Variants in EPHA5 observed in about 807,000 individuals in gnomAD.
EPHA5 encodes ephrin type-A receptor 5.
In EPHA5, 60 loss-of-function variants were observed where a neutral mutation model predicts 105.0. That is an observed-to-expected ratio of 0.57 (90% CI 0.46 to 0.71). The LOEUF is 0.71. Ranked by LOEUF, EPHA5 falls within the 30% of genes least tolerant of loss-of-function variation. EPHA5 has a pLI of 0.00. For synonymous variants in EPHA5, 513 were observed against 449.1 expected, an observed-to-expected ratio of 1.14 and a Z score of -1.80; for missense variants, 1,218 against 1,274.7, an observed-to-expected ratio of 0.96 and a Z score of 0.68.
intron 11 of EPHA5, among the ~76,000 whole-genome samples, chr4:65,358,020 A>C (rs1354902761): frequency 6.6e-6 from 1 of 151,422 alleles, no homozygotes; most frequent in African/African-American, 2.4e-5. Context: ...CTTGTTTCTC[A>C]GAATATGATA....
At chr4:65,333,377 T>C (rs1408796973) in intron 15 of EPHA5, among the ~76,000 whole-genome samples, 1 of 151,752 alleles carries the variant, frequency 6.6e-6, no homozygotes, top group Non-Finnish European at 1.5e-5. Flanking sequence ...ATGATCTCTC[T>C]TTTGCCAAAA....
chr4:65,413,662 TTCTG>T lies in EPHA5; in HGVS notation c.1687+618_1687+621del, dbSNP rs1212558158. On this transcript the variant is annotated intron_variant, in intron 7 of 16. Transcript: ENST00000613740. ...CACAAATAACTTTAATAGCGTCTAT[TTCTG>T]TCTTCGAATTCTTCTTTCAATGTGT... 5.9e-5 allele frequency among the ~76,000 whole-genome samples: 9 copies of T among 152,322 alleles called. No individual in the cohort carries two copies. The East Asian group carries it at 1.7e-3, about 29-fold the overall frequency.
chr4:65,651,428 C>G (rs1300341621), intron 1 of EPHA5, among the ~76,000 whole-genome samples: 1 of 152,150 alleles, frequency 6.6e-6, no homozygotes, highest in Admixed American at 6.5e-5. Context: ...GAAGGCAAAC[C>G]TATGTCTCCG....
intron 5 of EPHA5, among the ~76,000 whole-genome samples, chr4:65,461,526 A>G (rs1180169336): frequency 6.6e-6 from 1 of 152,060 alleles, no homozygotes; most frequent in Non-Finnish European, 1.5e-5. Flanking sequence ...ATCTTTTGCT[A>G]TTTTAGAAAG....
chr4:65,403,255 G>A (rs770710560), intron 8 of EPHA5, among the ~76,000 whole-genome samples: 1 of 152,114 alleles, frequency 6.6e-6, no homozygotes, highest in Non-Finnish European at 1.5e-5. Flanking sequence ...AGCACAATAT[G>A]CAGTACATTG....
chr4:65,419,595 C>T (rs917809267), intron 6 of EPHA5, among the ~76,000 whole-genome samples: 2 of 152,174 alleles, frequency 1.3e-5, no homozygotes, highest in Middle Eastern at 3.2e-3. Context: ...CTATCTTTAG[C>T]TCCTCTTTTA....
intron 1 of EPHA5, among the ~76,000 whole-genome samples, chr4:65,664,279 T>A (rs2149556300): frequency 6.6e-6 from 1 of 152,080 alleles, no homozygotes; most frequent in Non-Finnish European, 1.5e-5. Context: ...TTGTTAGTTT[T>A]CTAACTGTCA....
At chr4:65,484,847 T>A (rs1307504199) in intron 5 of EPHA5, among the ~76,000 whole-genome samples, 1 of 151,302 alleles carries the variant, frequency 6.6e-6, no homozygotes, top group Non-Finnish European at 1.5e-5. Context: ...TCAGAGTAAC[T>A]GTTTTTAACA....
At chr4:65,430,552 A>G (rs1323899963) in intron 5 of EPHA5, among the ~76,000 whole-genome samples, 1 of 150,946 alleles carries the variant, frequency 6.6e-6, no homozygotes, top group Admixed American at 6.6e-5. Flanking sequence ...TGTGCCAGAC[A>G]GTTTATAGTT....
intron 3 of EPHA5, among the ~76,000 whole-genome samples, chr4:65,565,414 CA>C (rs1217494111): frequency 2.0e-5 from 3 of 151,678 alleles, no homozygotes; most frequent in African/African-American, 4.8e-5. Context: ...AAGGGACTCA[CA>C]AACATATAAT....
At chr4:65,482,539 T>G (rs1469668005) in intron 5 of EPHA5, among the ~76,000 whole-genome samples, 1 of 152,046 alleles carries the variant, frequency 6.6e-6, no homozygotes, top group Non-Finnish European at 1.5e-5. Flanking sequence ...ACGGATCTCA[T>G]AATAGGTAGC....
rs1273381371 is a variant in EPHA5, at chr4:65,670,281, CCAGAGTT to C, written c.-546_-540del. 4.3e-6 allele frequency: 1 copy of C among 233,642 alleles called. No individual in the cohort carries two copies. The highest frequency in any genetic ancestry group is 5.6e-5 in the Admixed American group (1 of 17,788). 14.5% of individuals were successfully genotyped at this position (233,642 alleles called of 1,614,324 possible). Reference sequence around the variant, plus strand: ...GAGAGCAGCGAGCAAAAGCAAAGATCCAGAGTTCAAAGAGACTGGCAGAAGGAAATAG... The same window carrying C: ...GAGAGCAGCGAGCAAAAGCAAAGATCCAAAGAGACTGGCAGAAGGAAATAG... On this transcript the variant is annotated 5_prime_UTR_variant, in exon 1 of 17. Transcript: ENST00000613740.
chr4:65,599,478 A>G (rs1743499353), intron 3 of EPHA5, among the ~76,000 whole-genome samples: 1 of 152,112 alleles, frequency 6.6e-6, no homozygotes, highest in Admixed American at 6.6e-5. Context: ...TATTCATTCA[A>G]TGAGTCATTC....
chr4:65,471,488 G>T (rs145528899), intron 5 of EPHA5, among the ~76,000 whole-genome samples: 65 of 152,224 alleles, frequency 4.3e-4, no homozygotes, highest in African/African-American at 1.5e-3. Context: ...TGTTGCATGG[G>T]TATTGTATTA....
chr4:65,428,339 CCTT>C (rs1417367211), intron 5 of EPHA5, among the ~76,000 whole-genome samples: 2 of 151,932 alleles, frequency 1.3e-5, no homozygotes, highest in Non-Finnish European at 2.9e-5. Flanking sequence ...CTTAGTATAT[CCTT>C]CTTACTGTGT....
intron 5 of EPHA5, among the ~76,000 whole-genome samples, chr4:65,442,380 C>G (rs1336097363): frequency 6.6e-6 from 1 of 152,142 alleles, no homozygotes; most frequent in African/African-American, 2.4e-5. Context: ...TAAGAGAACT[C>G]TCACCAAAAA....
At chr4:65,476,061 T>C (rs113041336) in intron 5 of EPHA5, among the ~76,000 whole-genome samples, 18 of 151,208 alleles carry the variant, frequency 1.2e-4, no homozygotes, top group African/African-American at 4.4e-4. Context: ...TAATTTTTTT[T>C]CAGAATGTCA....
intron 5 of EPHA5, among the ~76,000 whole-genome samples, chr4:65,468,548 T>C (rs1218044661): frequency 9.5e-6 from 1 of 105,526 alleles, no homozygotes; most frequent in South Asian, 2.9e-4. Flanking sequence ...TATATATATA[T>C]AATATATATA....
intron 5 of EPHA5, among the ~76,000 whole-genome samples, chr4:65,457,212 A>T (rs1481328921): frequency 6.6e-6 from 1 of 152,132 alleles, no homozygotes; most frequent in Non-Finnish European, 1.5e-5. Context: ...TGTTTTTGTT[A>T]ATGGGATTTA....
Sources: gnomAD v4.1 joint callset for allele counts (sites outside exome capture counted in the v4.1 genomes callset) on GRCh38, gnomAD v4.1.1 for gene constraint, MANE v1.5 for transcripts, NCBI Gene and HGNC (gene_info 2026-07-23, HGNC 2026-07-21) for gene names.